FOXP1: variants seen among roughly 807,000 people sequenced by gnomAD.
FOXP1 encodes the protein forkhead box protein P1.
FOXP1 carries 15 observed loss-of-function variants against 98.2 expected under a neutral mutation model. That is an observed-to-expected ratio of 0.15 (90% CI 0.10 to 0.24). The LOEUF is 0.24. FOXP1 is among the 10% of genes least tolerant of loss of function. The pLI is 1.00. For synonymous variants in FOXP1, 371 were observed against 314.5 expected (o/e 1.18, Z -1.90); for missense variants, 633 against 848.5 (o/e 0.75, Z 3.15).
intron 3 of FOXP1, among the ~76,000 whole-genome samples, chr3:71,403,732 TC>T (rs2108225512): frequency 6.6e-6 from 1 of 152,194 alleles, no homozygotes; most frequent in African/African-American, 2.4e-5. Context: ...GCACCTGTAG[TC>T]CCAGCTACTT....
intron 5 of FOXP1, among the ~76,000 whole-genome samples, chr3:71,221,676 A>G (rs2065395333): frequency 6.6e-6 from 1 of 152,142 alleles, no homozygotes; most frequent in Non-Finnish European, 1.5e-5. Context: ...AGGCACTCAG[A>G]CCAAAACTAT....
chr3:71,174,210 A>C (rs2061797572), intron 6 of FOXP1, among the ~76,000 whole-genome samples: 1 of 152,242 alleles, frequency 6.6e-6, no homozygotes, highest in Non-Finnish European at 1.5e-5. Flanking sequence ...TTTAGAGTTT[A>C]CAGATCCTTA....
chr3:71,474,111 T>C, intron 3 of FOXP1, among the ~76,000 whole-genome samples: 1 of 152,162 alleles, frequency 6.6e-6, no homozygotes, highest in East Asian at 1.9e-4. Context: ...ATATATTTAT[T>C]TAAATTCCAA....
intron 5 of FOXP1, among the ~76,000 whole-genome samples, chr3:71,297,489 CAA>C (rs756846802): frequency 8.4e-4 from 78 of 93,022 alleles, no homozygotes; most frequent in African/African-American, 3.1e-3. Context: ...CAGGTGATTA[CAA>C]AAAAAAAAAA....
At chr3:71,433,905 T>C (rs1201398243) in intron 3 of FOXP1, among the ~76,000 whole-genome samples, 2 of 152,188 alleles carry the variant, frequency 1.3e-5, no homozygotes, top group African/African-American at 4.8e-5. Flanking sequence ...CAGCCACAGA[T>C]CCATGCCAAA....
At position 70,966,363 on chromosome 3, in the gene FOXP1, G is replaced by A. The variant is rs771294637; in HGVS notation, c.1723-307C>T. 2.3e-5 allele frequency: 9 copies of A among 392,944 alleles called. No individual in the cohort carries two copies. The East Asian group carries it at 5.0e-4, about 22-fold the overall frequency. 24.3% of individuals were successfully genotyped at this position (392,944 alleles called of 1,614,324 possible). A position where few individuals can be genotyped will look rare whatever the true frequency, so the allele number is the denominator to read the frequency against. ...GCTTTCGAATATGAGGTTTATGTCG[G>A]ATGCGTTTTTAAGAGGAGCTGAATA... is the stretch of plus-strand genomic sequence containing the variant. On this transcript the variant is annotated intron_variant, in intron 19 of 20. Coordinates refer to ENST00000649528, the MANE Select transcript of FOXP1 (RefSeq NM_001349338.3).
chr3:71,052,635 G>T lies in FOXP1; in HGVS notation c.421-9C>A, dbSNP rs1350538646. 1.9e-6 allele frequency: 2 copies of T among 1,078,404 alleles called. No individual in the cohort carries two copies. The highest frequency in any genetic ancestry group is 1.4e-6 in the Non-Finnish European group (1 of 689,870). The allele number at this position is 1,078,404 out of a possible 1,614,324, so 66.8% of individuals were successfully genotyped here. ...AACTCTTGAAGCTGCTGCTACAAAG[G>T]AAAGAGAGGACGGTAAGTAACAGAG... On this transcript the variant is annotated splice_polypyrimidine_tract_variant and intron_variant, in intron 8 of 20. Coordinates refer to ENST00000649528, the MANE Select transcript of FOXP1 (RefSeq NM_001349338.3).
intron 5 of FOXP1, among the ~76,000 whole-genome samples, chr3:71,214,653 C>A (rs2064777653): frequency 6.6e-6 from 1 of 152,168 alleles, no homozygotes; most frequent in African/African-American, 2.4e-5. Flanking sequence ...TAAACGGAGA[C>A]AACAGGGCTC....
Position 70,957,424 on chromosome 3 carries a change from T to C in FOXP1, c.*1823A>G, listed in dbSNP as rs1038572095. Reference sequence around the variant, plus strand: ...GCTTGTCATTTGCCTCTAAATTCTTTTGCCTCCTTTGATCAACAATAAGAG... The same window carrying C: ...GCTTGTCATTTGCCTCTAAATTCTTCTGCCTCCTTTGATCAACAATAAGAG... On this transcript the variant is annotated 3_prime_UTR_variant, in exon 21 of 21. Coordinates refer to ENST00000649528, the MANE Select transcript of FOXP1 (RefSeq NM_001349338.3). The C allele has an allele frequency of 3.5e-5, 8 of 230,224 alleles. No homozygotes were observed. Among genetic ancestry groups the C allele is most frequent in the African/African-American group, 1.5e-4 (7 of 45,214 alleles). 14.3% of individuals were successfully genotyped at this position (230,224 alleles called of 1,614,324 possible).
chr3:71,563,498 A>G (rs2046691357), intron 2 of FOXP1, among the ~76,000 whole-genome samples: 2 of 152,218 alleles, frequency 1.3e-5, no homozygotes, highest in African/African-American at 2.4e-5. Flanking sequence ...CAGGACAAAG[A>G]ACCAAAGTAA....
intron 7 of FOXP1, among the ~76,000 whole-genome samples, chr3:71,060,987 T>C (rs182241108): frequency 1.2e-4 from 19 of 152,314 alleles, no homozygotes; most frequent in Non-Finnish European, 2.2e-4. Context: ...AGGGACTCAA[T>C]GAAGAGCATT....
At chr3:71,421,944 C>T (rs1306055478) in intron 3 of FOXP1, among the ~76,000 whole-genome samples, 1 of 152,214 alleles carries the variant, frequency 6.6e-6, no homozygotes. Context: ...CCCCTCTTGA[C>T]GTGGCCTTGG....
At chr3:71,191,922 G>A (rs996988556) in intron 6 of FOXP1, among the ~76,000 whole-genome samples, 3 of 152,140 alleles carry the variant, frequency 2.0e-5, no homozygotes, top group African/African-American at 7.2e-5. Flanking sequence ...TTTGAACTAT[G>A]CAAGGTCTTC....
intron 3 of FOXP1, among the ~76,000 whole-genome samples, chr3:71,387,523 A>T (rs1216472132): frequency 1.3e-5 from 2 of 152,232 alleles, no homozygotes; most frequent in Non-Finnish European, 2.9e-5. Context: ...CCATCATAAC[A>T]AGTTTTAGCA....
chr3:70,962,913 A>G (rs1225261669), intron 20 of FOXP1, among the ~76,000 whole-genome samples: 2 of 152,230 alleles, frequency 1.3e-5, no homozygotes, highest in African/African-American at 4.8e-5. Context: ...AGGTGCATGT[A>G]AAGCCCCACA....
chr3:71,328,206 G>A (rs185214899), intron 4 of FOXP1, among the ~76,000 whole-genome samples: 2 of 152,290 alleles, frequency 1.3e-5, no homozygotes, highest in Admixed American at 1.3e-4. Context: ...GAGGCGGGCA[G>A]ATGGCCAAGC....
chr3:71,250,410 G>A (rs766928498), intron 5 of FOXP1, among the ~76,000 whole-genome samples: 26 of 152,278 alleles, frequency 1.7e-4, no homozygotes, highest in Middle Eastern at 3.4e-3. Context: ...TGTCACTGAG[G>A]AACTGAATTT....
chr3:71,558,102 T>G (rs1223011219), intron 2 of FOXP1, among the ~76,000 whole-genome samples: 1 of 152,154 alleles, frequency 6.6e-6, no homozygotes, highest in Non-Finnish European at 1.5e-5. Flanking sequence ...AGCAAACCTG[T>G]ATTTCTTTAA....
intron 6 of FOXP1, among the ~76,000 whole-genome samples, chr3:71,174,385 C>A (rs2061807970): frequency 2.0e-5 from 3 of 152,110 alleles, no homozygotes; most frequent in African/African-American, 7.2e-5. Flanking sequence ...ATAGCCACTG[C>A]ACTCCAGCCT....
Sources: allele counts gnomAD v4.1 joint callset (sites outside exome capture counted in the v4.1 genomes callset), GRCh38; gene constraint gnomAD v4.1.1; transcripts MANE v1.5; gene names NCBI Gene and HGNC (gene_info 2026-07-23, HGNC 2026-07-21).